Variants in DNAH9 observed in about 807,000 individuals in gnomAD.
DNAH9 encodes the protein dynein axonemal heavy chain 9.
Under a neutral mutation model 471.6 loss-of-function variants are expected in DNAH9, and 345 were observed. The ratio of observed to expected loss-of-function variants is 0.73; its 90% confidence interval spans 0.67 to 0.80. The LOEUF (loss-of-function observed/expected upper bound fraction) is 0.80, where lower values mean the gene tolerates loss of function less well. Ranked by LOEUF, DNAH9 falls within the 30% of genes least tolerant of loss-of-function variation. DNAH9 has a pLI of 0.00. For synonymous variants in DNAH9, 2,093 were observed against 2,123.6 expected, an observed-to-expected ratio of 0.99 and a Z score of 0.40; for missense variants, 5,407 against 5,609.2, an observed-to-expected ratio of 0.96 and a Z score of 1.15.
chr17:11,950,523 A>G (rs1436473905), intron 67 of DNAH9, among the ~76,000 whole-genome samples: 1 of 152,004 alleles, frequency 6.6e-6, no homozygotes, highest in East Asian at 1.9e-4. Flanking sequence ...ACACAACCAC[A>G]CCCGACTAAC....
At chr17:11,911,631 T>G (rs1973796554) in intron 61 of DNAH9, among the ~76,000 whole-genome samples, 1 of 152,226 alleles carries the variant, frequency 6.6e-6, no homozygotes, top group Non-Finnish European at 1.5e-5. Context: ...AAATGTAGCT[T>G]GAATTTCAGT....
chr17:11,680,684 C>A lies in DNAH9; in HGVS notation c.3577-39C>A, dbSNP rs749965399. 10 of 1,592,708 alleles carry A rather than the reference C, an allele frequency of 6.3e-6. No homozygotes were observed. The East Asian group carries it at 2.2e-4, about 36-fold the overall frequency. ...CTCAGGACTATGGGAGAGGAAAGAG[C>A]ACCTTGGGAATCTGACCACACTGAG... is the stretch of plus-strand genomic sequence containing the variant. On this transcript the variant is annotated intron_variant, in intron 18 of 68. Transcript: ENST00000262442.
chr17:11,791,603 C>G (rs947061900), intron 41 of DNAH9, among the ~76,000 whole-genome samples: 2 of 152,016 alleles, frequency 1.3e-5, no homozygotes, highest in African/African-American at 4.8e-5. Flanking sequence ...TCCAACTGTT[C>G]AGGAGGCTGA....
intron 11 of DNAH9, among the ~76,000 whole-genome samples, chr17:11,646,478 C>T (rs1247102709): frequency 6.6e-6 from 1 of 152,172 alleles, no homozygotes; most frequent in Non-Finnish European, 1.5e-5. Context: ...CCATGAGCTA[C>T]GTAAAGATTA....
At chr17:11,879,438 A>G (rs1050535264) in intron 53 of DNAH9, among the ~76,000 whole-genome samples, 2 of 152,126 alleles carry the variant, frequency 1.3e-5, no homozygotes, top group Non-Finnish European at 2.9e-5. Context: ...TGAGTTCCAT[A>G]AAGTTTTACT....
chr17:11,602,563 C>T (rs533719124), intron 1 of DNAH9, among the ~76,000 whole-genome samples: 1 of 152,334 alleles, frequency 6.6e-6, no homozygotes, highest in South Asian at 2.1e-4. Flanking sequence ...ATCATCCACT[C>T]TCACTGCTGC....
intron 43 of DNAH9, among the ~76,000 whole-genome samples, chr17:11,803,397 T>TGC (rs1969544247): frequency 6.6e-6 from 1 of 151,192 alleles, no homozygotes; most frequent in Admixed American, 6.6e-5. Flanking sequence ...TGTGTGTGTG[T>TGC]GTGCGCTCGC....
intron 67 of DNAH9, among the ~76,000 whole-genome samples, chr17:11,955,438 T>C (rs1975590167): frequency 6.6e-6 from 1 of 152,176 alleles, no homozygotes; most frequent in Non-Finnish European, 1.5e-5. Flanking sequence ...ACATTAAATA[T>C]AAACGGCTTA....
chr17:11,787,145 C>T (rs1968902904), intron 41 of DNAH9, among the ~76,000 whole-genome samples: 1 of 152,232 alleles, frequency 6.6e-6, no homozygotes, highest in Non-Finnish European at 1.5e-5. Flanking sequence ...CCAGAGTAGG[C>T]TCAGACAGAC....
chr17:11,800,556 A>G (rs1329763574), intron 43 of DNAH9, among the ~76,000 whole-genome samples: 2 of 152,008 alleles, frequency 1.3e-5, no homozygotes, highest in Non-Finnish European at 2.9e-5. Flanking sequence ...TCCTATCCGC[A>G]ACGACACTCA....
chr17:11,689,977 C>T lies in DNAH9; in HGVS notation c.4155C>T (p.His1385=). The T allele has an allele frequency of 6.2e-7, 1 of 1,614,012 alleles. No homozygotes were observed. The highest frequency in any genetic ancestry group is 8.5e-7 in the Non-Finnish European group (1 of 1,179,958). The change falls in exon 20 of 69, where the codon CAC becomes CAT. Residue 1385 remains histidine, a synonymous_variant. Transcript: ENST00000262442. ...AGAATCCAGCCATCCGGGAGCGGCACTGGAGGCAGCTGATGCAGGCCACCG... is the reference window on the plus strand; with the variant it reads ...AGAATCCAGCCATCCGGGAGCGGCATTGGAGGCAGCTGATGCAGGCCACCG... ...ELQNPAIRER[H]WRQLMQATGV...
At chr17:11,614,374 A>G (rs1198719808) in intron 4 of DNAH9, among the ~76,000 whole-genome samples, 1 of 152,216 alleles carries the variant, frequency 6.6e-6, no homozygotes, top group Non-Finnish European at 1.5e-5. Context: ...AAGGAGGTTA[A>G]AAGGATGGAG....
In DNAH9 at chr17:11,937,252, G is replaced by C. The variant is rs187420521; in HGVS notation, c.12490-100G>C. On this transcript the variant is annotated intron_variant, in intron 65 of 68. Transcript: ENST00000262442. This position sits in a 1 kb window ranked among gnomAD's most constrained non-coding sequence, Gnocchi z 4.1. ...ATGGTGAGCAGTGTCCCCTGGAGGA[G>C]GGATACTAGCCCATGGACTCCCTGC... The C allele has an allele frequency of 1.4e-6, 2 of 1,409,320 alleles. No homozygotes were observed. Among genetic ancestry groups the C allele is most frequent in the South Asian group, 1.5e-5 (1 of 66,232 alleles). The allele number at this position is 1,409,320 out of a possible 1,614,324, so 87.3% of individuals were successfully genotyped here.
intron 51 of DNAH9, among the ~76,000 whole-genome samples, chr17:11,869,722 C>A (rs776799169): frequency 6.6e-6 from 1 of 152,210 alleles, no homozygotes; most frequent in Non-Finnish European, 1.5e-5. Context: ...ACACATGCTC[C>A]GGCCTTCCTG....
chr17:11,746,812 C>G (rs1376551554), intron 31 of DNAH9, among the ~76,000 whole-genome samples: 1 of 152,134 alleles, frequency 6.6e-6, no homozygotes, highest in Admixed American at 6.5e-5. Flanking sequence ...TCTATACAAC[C>G]AAATTATCAT....
At chr17:11,890,384 A>G in intron 57 of DNAH9, among the ~76,000 whole-genome samples, 1 of 152,230 alleles carries the variant, frequency 6.6e-6, no homozygotes, top group East Asian at 1.9e-4. Context: ...TTAAAACTAA[A>G]TAAGGAAGAA....
chr17:11,789,651 C>G (rs1351439170), intron 41 of DNAH9, among the ~76,000 whole-genome samples: 1 of 151,938 alleles, frequency 6.6e-6, no homozygotes, highest in Non-Finnish European at 1.5e-5. Flanking sequence ...GACTTTCTTA[C>G]TGTCTTAATT....
chr17:11,636,599 A>G (rs1038881753), intron 8 of DNAH9, 35 bp from the exon 9 acceptor site: 1 of 1,595,964 alleles, frequency 6.3e-7, no homozygotes, highest in South Asian at 1.1e-5. Flanking sequence ...TTAATCTGTG[A>G]TTTTTTTCCT....
intron 43 of DNAH9, among the ~76,000 whole-genome samples, chr17:11,804,706 C>G (rs1426852011): frequency 1.3e-5 from 2 of 151,988 alleles, no homozygotes; most frequent in African/African-American, 4.8e-5. Flanking sequence ...AACCCCATCT[C>G]TACTAAAAAA....
Sources: gnomAD v4.1 joint callset for allele counts (sites outside exome capture counted in the v4.1 genomes callset) on GRCh38, gnomAD v4.1.1 for gene constraint, Gnocchi (gnomAD v3.1) non-coding constraint, MANE v1.5 for transcripts, NCBI Gene and HGNC (gene_info 2026-07-23, HGNC 2026-07-21) for gene names.